Variants in ANKRD26 observed in about 807,000 individuals in gnomAD.
ANKRD26 encodes the protein ankyrin repeat domain-containing protein 26.
ANKRD26 carries 141 observed loss-of-function variants against 208.7 expected under a neutral mutation model. The observed-to-expected ratio is 0.68, with a 90% CI of 0.59 to 0.78. ANKRD26 has a LOEUF of 0.78. Ranked by LOEUF, ANKRD26 falls within the 30% of genes least tolerant of loss-of-function variation. ANKRD26 has a pLI of 0.00. For missense variants in ANKRD26, 1,889 were observed against 1,938.7 expected (o/e 0.97, Z 0.48); for synonymous variants, 636 against 660.4 (o/e 0.96, Z 0.57).
intron 15 of ANKRD26, among the ~76,000 whole-genome samples, chr10:27,060,102 C>G (rs1272549005): frequency 6.7e-6 from 1 of 149,914 alleles, no homozygotes. Context: ...TTTCAGGAGG[C>G]TGAGGCAGGA....
chr10:26,959,988 G>A, the ANKRD26 span, among the ~76,000 whole-genome samples: 9 of 151,988 alleles, frequency 5.9e-5, no homozygotes, highest in African/African-American at 1.9e-4. Flanking sequence ...GTGAGACCTC[G>A]TCTCTACAAA....
In ANKRD26 at chr10:27,086,573, C is replaced by G; in HGVS notation, c.675G>C (p.Arg225Ser). Residue 225 changes from arginine (R) to serine (S), a missense_variant, in exon 5 of 34, where the codon AGG becomes AGC. Arg to Ser is a moderately radical substitution (Grantham distance 110, BLOSUM62 -1). Around this residue, in one of 3 missense-constraint regions of ANKRD26, gnomAD observed 1,272 missense variants for 1,273.8 expected, o/e 1.00. Transcript: ENST00000376087. Reference protein sequence around the residue: ...HQLISEYKEERIPKHSSQNSN... With the variant: ...HQLISEYKEESIPKHSSQNSN... ...TATTTTGAGAAGAATGTTTAGGTAT[C>G]CTTTCTTCTTTATATTCTGAAATTA... 6.2e-7 allele frequency: 1 copy of G among 1,605,400 alleles called. No homozygotes were observed.
downstream of ANKRD26, among the ~76,000 whole-genome samples, chr10:27,002,890 C>T (rs201560394): frequency 8.1e-4 from 124 of 152,216 alleles, no homozygotes; most frequent in Middle Eastern, 3.4e-3. Flanking sequence ...CACTCACTGA[C>T]GCACCCAAAA....
chr10:26,978,994 G>A (rs1026165755), intron 5 of ANKRD26, among the ~76,000 whole-genome samples: 8 of 152,094 alleles, frequency 5.3e-5, no homozygotes, highest in Non-Finnish European at 1.2e-4. Flanking sequence ...AGGCCGAGGC[G>A]GGCGGATCAC....
At chr10:27,002,087 C>T (rs889614534), downstream of ANKRD26, among the ~76,000 whole-genome samples, 35 of 151,970 alleles carry the variant, frequency 2.3e-4, no homozygotes, top group Non-Finnish European at 2.4e-4. Context: ...GTTTTCAGCA[C>T]CTGAGGCAGA....
chr10:27,031,699 T>C (rs1354232976), intron 25 of ANKRD26, among the ~76,000 whole-genome samples: 3 of 152,210 alleles, frequency 2.0e-5, no homozygotes, highest in Non-Finnish European at 4.4e-5. Context: ...GTATGGTATA[T>C]AAATTATATC....
At chr10:27,074,772 A>G (rs1044243068) in intron 9 of ANKRD26, among the ~76,000 whole-genome samples, 2 of 152,132 alleles carry the variant, frequency 1.3e-5, no homozygotes, top group Admixed American at 1.3e-4. Context: ...TTTCAAATTA[A>G]TCCAATCAGA....
the ANKRD26 span, among the ~76,000 whole-genome samples, chr10:26,967,052 T>C: frequency 9.9e-5 from 15 of 152,238 alleles, no homozygotes; most frequent in Admixed American, 3.3e-4. Flanking sequence ...TAAAACCCGA[T>C]GACGTGTGAG....
rs553999120 is a variant in ANKRD26, at chr10:27,090,657, T to C, written c.638+1749A>G. On this transcript the variant is annotated intron_variant, in intron 4 of 33. Coordinates refer to ENST00000376087, the MANE Select transcript of ANKRD26 (RefSeq NM_014915.3). ...GTATTACATACTAGAAGTCCTTTCA[T>C]GGCAAAAACCTATGCTGAGTTTACT... is the stretch of plus-strand genomic sequence containing the variant. 4.1e-4 allele frequency among the ~76,000 whole-genome samples: 62 copies of C among 152,294 alleles called. 1 individual carries two copies. In the South Asian group the frequency reaches 0.012, roughly 31 times the overall value.
intron 16 of ANKRD26, chr10:27,051,294 G>A: frequency 7.8e-7 from 1 of 1,287,368 alleles, no homozygotes; most frequent in South Asian, 1.2e-5. Flanking sequence ...GTTCTGTATT[G>A]GTTTTGTTTT....
intron 4 of ANKRD26, among the ~76,000 whole-genome samples, chr10:27,090,216 C>T (rs1466075446): frequency 6.6e-6 from 1 of 151,766 alleles, no homozygotes. Context: ...GAGGCCAAAG[C>T]GGGTGGATCA....
chr10:27,031,998 A>T (rs551046487), intron 25 of ANKRD26, among the ~76,000 whole-genome samples: 7 of 152,306 alleles, frequency 4.6e-5, no homozygotes, highest in African/African-American at 1.2e-4. Context: ...AAGAAATAAG[A>T]CAATTTTCTG....
chr10:27,065,740 A>AAC (rs2055216279), intron 11 of ANKRD26, among the ~76,000 whole-genome samples: 2 of 150,136 alleles, frequency 1.3e-5, no homozygotes, highest in South Asian at 4.2e-4. Context: ...AACAAAAAAA[A>AAC]AAAACAAAAA....
At chr10:27,061,376 GTTTA>G (rs1260679999) in intron 12 of ANKRD26, 134 bp from the exon 13 acceptor site, 15 of 560,004 alleles carry the variant, frequency 2.7e-5, no homozygotes, top group Non-Finnish European at 4.3e-5. Flanking sequence ...TCAATGCAGT[GTTTA>G]TTTAAAATAA....
Position 27,048,839 on chromosome 10 carries a change from A to G in ANKRD26, c.1776T>C (p.His592=). The part of the protein sequence containing the change: ...IQKRKSGETD[H]QQFPRKENKE... ...TATTTTCCTTCCTGGGAAATTGCTG[A>G]TGATCAGTTTCTCCACTCTTTCTTT... Residue 592 remains histidine, a synonymous_variant, in exon 17 of 34, where the codon CAT becomes CAC. Transcript: ENST00000376087. The G allele has an allele frequency of 1.2e-6, 2 of 1,613,268 alleles. No homozygotes were observed. Among genetic ancestry groups the G allele is most frequent in the Non-Finnish European group, 1.7e-6 (2 of 1,179,714 alleles).
downstream of ANKRD26, among the ~76,000 whole-genome samples, chr10:26,987,128 T>C (rs1212649096): frequency 1.3e-5 from 2 of 152,098 alleles, no homozygotes; most frequent in Non-Finnish European, 2.9e-5. Context: ...ATGTCCTTTG[T>C]AGGGACATGG....
At chr10:27,052,621 G>C (rs1432504048) in intron 16 of ANKRD26, among the ~76,000 whole-genome samples, 2 of 152,014 alleles carry the variant, frequency 1.3e-5, no homozygotes, top group Non-Finnish European at 2.9e-5. Context: ...AACTATATAA[G>C]ACTTAAGTCT....
chr10:27,074,524 T>C (rs992176874), intron 9 of ANKRD26, among the ~76,000 whole-genome samples: 1 of 152,054 alleles, frequency 6.6e-6, no homozygotes, highest in South Asian at 2.1e-4. Context: ...CTACTAAAAA[T>C]ACAAAAATTA....
At chr10:27,002,368 T>C (rs904706045), downstream of ANKRD26, among the ~76,000 whole-genome samples, 1 of 152,184 alleles carries the variant, frequency 6.6e-6, no homozygotes, top group African/African-American at 2.4e-5. Flanking sequence ...TGGGGCCCCA[T>C]CTGGGTGGAG....
Sources: allele counts gnomAD v4.1 joint callset (sites outside exome capture counted in the v4.1 genomes callset), GRCh38; gene constraint gnomAD v4.1.1; regional missense constraint gnomAD v4.1.1; transcripts MANE v1.5; gene names NCBI Gene and HGNC (gene_info 2026-07-23, HGNC 2026-07-21).